Variants in ICAM2 observed in about 807,000 individuals in gnomAD.
The protein encoded by ICAM2 is intercellular adhesion molecule 2, also known as ICAM-2.
Under a neutral mutation model 19.1 loss-of-function variants are expected in ICAM2, and 14 were observed. That is an observed-to-expected ratio of 0.73 (90% CI 0.48 to 1.15). The LOEUF (loss-of-function observed/expected upper bound fraction) is 1.15, where lower values mean the gene tolerates loss of function less well. Among genes scored for constraint, ICAM2 ranks in the 50% most tolerant of loss-of-function variants. The probability of loss-of-function intolerance (pLI) is 0.00; values close to 1 mark genes in which losing one functional copy is unlikely to be tolerated. For missense variants in ICAM2, 311 were observed against 355.4 expected, an observed-to-expected ratio of 0.88 and a Z score of 1.00; for synonymous variants, 153 against 152.7, an observed-to-expected ratio of 1.00 and a Z score of -0.01.
chr17:64,009,398 A>G (rs1258024870), intron 1 of ICAM2, among the ~76,000 whole-genome samples: 2 of 151,610 alleles, frequency 1.3e-5, no homozygotes, highest in African/African-American at 4.9e-5. Flanking sequence ...AAACAAGGCC[A>G]ATCATGGTAC....
At chr17:64,014,986 C>A (rs1428417362) in intron 1 of ICAM2, among the ~76,000 whole-genome samples, 1 of 151,676 alleles carries the variant, frequency 6.6e-6, no homozygotes, top group Non-Finnish European at 1.5e-5. Flanking sequence ...CCAGTGAAAT[C>A]GATATATAAA....
At chr17:64,014,767 A>AAGAAAGAG (rs1567849939) in intron 1 of ICAM2, among the ~76,000 whole-genome samples, 2 of 110,454 alleles carry the variant, frequency 1.8e-5, no homozygotes, top group African/African-American at 5.8e-5. Context: ...GAAAGAAAGA[A>AAGAAAGAG]AAAGAAAGAA....
At chr17:64,018,275 A>G (rs1911794067) in intron 1 of ICAM2, among the ~76,000 whole-genome samples, 1 of 131,002 alleles carries the variant, frequency 7.6e-6, no homozygotes, top group Admixed American at 9.6e-5. Context: ...CGGAGCTTGC[A>G]GTGAGCTGAG....
At chr17:64,014,637 AAGAGAG>A (rs138783390) in intron 1 of ICAM2, among the ~76,000 whole-genome samples, 1 of 137,402 alleles carries the variant, frequency 7.3e-6, no homozygotes, top group Non-Finnish European at 1.6e-5. Context: ...GAAAGAAAGA[AAGAGAG>A]AGAGAGAAAG....
rs955335603 is a variant in ICAM2 at position 64,003,765 on chromosome 17, G to A, written c.528C>T (p.Asn176=). 3 of 1,614,136 alleles carry A rather than the reference G, an allele frequency of 1.9e-6. No homozygotes were observed. Among genetic ancestry groups the A allele is most frequent in the Admixed American group, 1.7e-5 (1 of 60,014 alleles). Residue 176 remains asparagine, a synonymous_variant, in exon 4 of 5, where the codon AAC becomes AAT. Coordinates refer to ENST00000579788, the MANE Select transcript of ICAM2 (RefSeq NM_001099789.2). ...GGCCATCCTCTCTGTCAGCCGTGCTGTTGAATGTGGCTGTGGCCTCCTGCG... is the reference window on the plus strand; with the variant it reads ...GGCCATCCTCTCTGTCAGCCGTGCTATTGAATGTGGCTGTGGCCTCCTGCG... ...PAPQEATATF[N]STADREDGHR...
chr17:64,016,261 C>T (rs1458987015), intron 1 of ICAM2, among the ~76,000 whole-genome samples: 3 of 152,136 alleles, frequency 2.0e-5, no homozygotes, highest in South Asian at 2.1e-4. Flanking sequence ...GGTTTAACAA[C>T]GAAGAAATGT....
chr17:64,019,397 GTAAATAAA>G lies in ICAM2; in HGVS notation c.-45+1118_-45+1125del, dbSNP rs55764211. On this transcript the variant is annotated intron_variant, in intron 1 of 4. Coordinates refer to ENST00000579788, the MANE Select transcript of ICAM2 (RefSeq NM_001099789.2). ...GGAAATATAGTGTGACCCCATCTCA[GTAAATAAA>G]TAAATAAATAAATAAATAGAGATGC... 4.5e-4 allele frequency among the ~76,000 whole-genome samples: 67 copies of G among 148,872 alleles called. No individual in the cohort carries two copies. In the East Asian group the frequency reaches 0.012, roughly 26 times the overall value.
Position 64,003,641 on chromosome 17 carries a change from C to T in ICAM2, c.649+3G>A, listed in dbSNP as rs1910972874. On this transcript the variant is annotated splice_donor_region_variant and intron_variant, in intron 4 of 4. Coordinates refer to ENST00000579788, the MANE Select transcript of ICAM2 (RefSeq NM_001099789.2). The stretch of plus-strand genomic sequence containing the variant: ...CCAACTCCATCCACGGATCCCCCCT[C>T]ACCATAGATCTCCAACATCTTCGGG... The T allele has an allele frequency of 1.2e-6, 2 of 1,610,318 alleles. No homozygotes were observed. The highest frequency in any genetic ancestry group is 3.3e-5 in the Admixed American group (2 of 59,900).
At chr17:64,011,229 G>A (rs1248180761) in intron 1 of ICAM2, among the ~76,000 whole-genome samples, 3 of 152,176 alleles carry the variant, frequency 2.0e-5, no homozygotes, top group East Asian at 3.8e-4. Context: ...TTGGAAGGCC[G>A]AGGTGGGTGG....
At chr17:64,014,722 GAAGAAAGAAAGAAAGAAAGA>G (rs1161852684) in intron 1 of ICAM2, among the ~76,000 whole-genome samples, 2 of 16,010 alleles carry the variant, frequency 1.2e-4, no homozygotes, top group African/African-American at 1.6e-4. Flanking sequence ...AGGAAGGAAG[GAAGAAAGAAAGAAAGAAAGA>G]AAGAAAGAAA....
chr17:64,005,643 C>G (rs759629555), intron 2 of ICAM2, among the ~76,000 whole-genome samples: 1 of 152,156 alleles, frequency 6.6e-6, no homozygotes, highest in Non-Finnish European at 1.5e-5. Context: ...GCCCATCTGC[C>G]CATCAGCTCC....
chr17:64,008,053 G>C (rs1259970196), intron 1 of ICAM2, among the ~76,000 whole-genome samples: 1 of 152,178 alleles, frequency 6.6e-6, no homozygotes, highest in African/African-American at 2.4e-5. Flanking sequence ...CTCCATTCCG[G>C]GTTGGGAGGG....
chr17:64,005,841 G>A (rs962316463), intron 2 of ICAM2: 58 of 191,856 alleles, frequency 3.0e-4, no homozygotes, highest in African/African-American at 1.3e-3. Flanking sequence ...CAGGCTCTGG[G>A]GATACAGCAG....
chr17:64,019,119 A>G (rs1229263164), intron 1 of ICAM2, among the ~76,000 whole-genome samples: 1 of 152,170 alleles, frequency 6.6e-6, no homozygotes, highest in Non-Finnish European at 1.5e-5. Context: ...TATCTTCCTC[A>G]TAGGGTTTTT....
chr17:64,013,875 A>G (rs1388582002), intron 1 of ICAM2, among the ~76,000 whole-genome samples: 3 of 152,066 alleles, frequency 2.0e-5, no homozygotes, highest in Non-Finnish European at 4.4e-5. Flanking sequence ...TCACAACAGG[A>G]AATTTTAACA....
intron 2 of ICAM2, chr17:64,006,377 C>T: frequency 4.4e-6 from 2 of 455,478 alleles, no homozygotes; most frequent in South Asian, 3.3e-5. Flanking sequence ...GTGGCTCTCA[C>T]CTGTGATCCC....
chr17:64,010,770 A>T (rs1191565135), intron 1 of ICAM2, among the ~76,000 whole-genome samples: 1 of 152,210 alleles, frequency 6.6e-6, no homozygotes, highest in East Asian at 1.9e-4. Context: ...TATTGTTTAC[A>T]ATAATGGTAA....
At chr17:64,016,857 C>A (rs536757023) in intron 1 of ICAM2, among the ~76,000 whole-genome samples, 2 of 152,308 alleles carry the variant, frequency 1.3e-5, no homozygotes, top group South Asian at 4.1e-4. Flanking sequence ...GGAGACCAAA[C>A]TAAAACTTAC....
intron 1 of ICAM2, among the ~76,000 whole-genome samples, chr17:64,016,747 AC>A (rs1180136937): frequency 7.9e-5 from 12 of 151,742 alleles, no homozygotes; most frequent in African/African-American, 1.2e-4. Flanking sequence ...CTGCTCCTTC[AC>A]CCCCTGCTTC....
Sources: gnomAD v4.1 joint callset for allele counts (sites outside exome capture counted in the v4.1 genomes callset) on GRCh38, gnomAD v4.1.1 for gene constraint, MANE v1.5 for transcripts, NCBI Gene and HGNC (gene_info 2026-07-23, HGNC 2026-07-21) for gene names.